The following ZNF385D variants were observed in gnomAD, a reference collection of about 807,000 sequenced individuals.
ZNF385D encodes zinc finger protein 659.
Under a neutral mutation model 35.8 loss-of-function variants are expected in ZNF385D, and 15 were observed. That is an observed-to-expected ratio of 0.42 (90% CI 0.28 to 0.64). The LOEUF is 0.64. ZNF385D is among the 30% of genes least tolerant of loss of function. ZNF385D has a pLI of 0.23. For missense variants in ZNF385D, 474 were observed against 494.6 expected, an observed-to-expected ratio of 0.96 and a Z score of 0.39; for synonymous variants, 212 against 186.8, an observed-to-expected ratio of 1.13 and a Z score of -1.10.
upstream of ZNF385D, among the ~76,000 whole-genome samples, chr3:21,755,051 T>G (rs2070279547): frequency 6.6e-6 from 1 of 152,222 alleles, no homozygotes; most frequent in African/African-American, 2.4e-5. Flanking sequence ...CAGATGGTAC[T>G]GCAGGCCACA....
At chr3:22,180,161 C>G (rs1695136129) in intron 2 of ZNF385D, among the ~76,000 whole-genome samples, 1 of 152,228 alleles carries the variant, frequency 6.6e-6, no homozygotes, top group African/African-American at 2.4e-5. Flanking sequence ...ATAAACACCT[C>G]TATGCAAGTA....
intron 2 of ZNF385D, among the ~76,000 whole-genome samples, chr3:22,193,864 A>G (rs1240456278): frequency 3.3e-5 from 5 of 152,060 alleles, no homozygotes; most frequent in Non-Finnish European, 7.4e-5. Context: ...AATGGCTTTC[A>G]AAATGATTAT....
chr3:21,681,305 A>G (rs1202397243), intron 1 of ZNF385D, among the ~76,000 whole-genome samples: 4 of 146,576 alleles, frequency 2.7e-5, no homozygotes, highest in African/African-American at 1.0e-4. Context: ...CAGTAAAAAA[A>G]AAAAAAAAAA....
intron 3 of ZNF385D, among the ~76,000 whole-genome samples, chr3:22,101,935 A>T (rs1203040949): frequency 1.3e-5 from 2 of 151,530 alleles, no homozygotes; most frequent in East Asian, 3.9e-4. Context: ...GTTAGTGGAC[A>T]AATTGGGCTT....
chr3:22,009,845 G>A (rs1261933700), intron 3 of ZNF385D, among the ~76,000 whole-genome samples: 1 of 146,740 alleles, frequency 6.8e-6, no homozygotes, highest in East Asian at 2.0e-4. Flanking sequence ...TATTTCTTAA[G>A]AGTAGTTATA....
Position 22,162,984 on chromosome 3 carries a change from T to C in ZNF385D, c.325+5833A>G, listed in dbSNP as rs75603807. Among the ~76,000 whole-genome samples the C allele has an allele frequency of 4.4e-3, 669 of 151,908 alleles. 6 individuals are homozygous for C. Among genetic ancestry groups the C allele is most frequent in the African/African-American group, 0.015 (639 of 41,428 alleles). On this transcript the variant is annotated intron_variant, in intron 3 of 5. Coordinates refer to the ZNF385D transcript ENST00000494108. ...AAGAAAAGCAGGACATAGTAGAGAG[T>C]GAGGTTAGCCTGTGATAGAATTGAA...
chr3:22,178,524 C>G (rs1209985929), intron 2 of ZNF385D, among the ~76,000 whole-genome samples: 2 of 152,124 alleles, frequency 1.3e-5, no homozygotes, highest in Admixed American at 6.6e-5. Flanking sequence ...TTCTCCCATT[C>G]TGTAGGTTGC....
intron 4 of ZNF385D, among the ~76,000 whole-genome samples, chr3:21,452,513 A>T (rs1338332515): frequency 6.6e-6 from 1 of 152,034 alleles, no homozygotes; most frequent in African/African-American, 2.4e-5. Context: ...ATGATCTTGT[A>T]CATAGAAAAC....
intron 3 of ZNF385D, among the ~76,000 whole-genome samples, chr3:21,561,465 G>C (rs749250168): frequency 6.6e-6 from 1 of 152,136 alleles, no homozygotes; most frequent in East Asian, 1.9e-4. Flanking sequence ...CTCGCCCTCT[G>C]TGGGCAGCAC....
intron 2 of ZNF385D, among the ~76,000 whole-genome samples, chr3:22,366,414 T>C (rs73041341): frequency 0.061 from 9,334 of 152,206 alleles, 381 homozygotes; most frequent in African/African-American, 0.1. Flanking sequence ...ACAATATTTA[T>C]TGAGTGCATT....
At chr3:22,084,064 C>A (rs1180304699) in intron 3 of ZNF385D, among the ~76,000 whole-genome samples, 2 of 152,142 alleles carry the variant, frequency 1.3e-5, no homozygotes, top group Non-Finnish European at 2.9e-5. Context: ...GCCTGTCTTA[C>A]AAGAGCTCCT....
chr3:21,793,768 A>G (rs2072027203), intron 3 of ZNF385D, among the ~76,000 whole-genome samples: 1 of 152,228 alleles, frequency 6.6e-6, no homozygotes, highest in Non-Finnish European at 1.5e-5. Flanking sequence ...TTAAAGAAGC[A>G]AAACATTCTG....
At chr3:21,443,785 T>A (rs1191139009) in intron 4 of ZNF385D, among the ~76,000 whole-genome samples, 4 of 152,038 alleles carry the variant, frequency 2.6e-5, no homozygotes, top group Non-Finnish European at 4.4e-5. Flanking sequence ...ACCTTTACAT[T>A]ATTTGAACTA....
intron 2 of ZNF385D, among the ~76,000 whole-genome samples, chr3:22,170,052 T>A (rs1310499347): frequency 3.3e-5 from 5 of 152,218 alleles, no homozygotes; most frequent in African/African-American, 1.2e-4. Flanking sequence ...ATTTCTAAGT[T>A]TTCTCTACTT....
At chr3:21,531,950 G>A (rs573292092) in intron 3 of ZNF385D, among the ~76,000 whole-genome samples, 1 of 152,286 alleles carries the variant, frequency 6.6e-6, no homozygotes, top group East Asian at 1.9e-4. Flanking sequence ...CCATTCTAGA[G>A]GGGAATATTG....
At chr3:21,932,124 G>A (rs1323190542) in intron 3 of ZNF385D, among the ~76,000 whole-genome samples, 3 of 122,280 alleles carry the variant, frequency 2.5e-5, no homozygotes, top group Admixed American at 1.1e-4. Context: ...CCGAGATAGC[G>A]CCCCTGCACT....
chr3:22,159,603 G>A (rs1417450574), intron 3 of ZNF385D, among the ~76,000 whole-genome samples: 1 of 152,014 alleles, frequency 6.6e-6, no homozygotes, highest in Non-Finnish European at 1.5e-5. Flanking sequence ...ATAGCCAGTG[G>A]CTGGAACTTT....
chr3:21,639,900 T>C (rs955028631), intron 2 of ZNF385D, among the ~76,000 whole-genome samples: 14 of 151,930 alleles, frequency 9.2e-5, no homozygotes, highest in Non-Finnish European at 1.5e-4. Flanking sequence ...AAAAAGAAAA[T>C]TGAGACCAAA....
At chr3:22,098,282 A>C (rs2125618477) in intron 3 of ZNF385D, among the ~76,000 whole-genome samples, 1 of 152,194 alleles carries the variant, frequency 6.6e-6, no homozygotes, top group Non-Finnish European at 1.5e-5. Flanking sequence ...ATTCAAGTTG[A>C]CTTTATTGCT....
Sources: gnomAD v4.1 joint callset for allele counts (sites outside exome capture counted in the v4.1 genomes callset) on GRCh38, gnomAD v4.1.1 for gene constraint, MANE v1.5 for transcripts, NCBI Gene and HGNC (gene_info 2026-07-23, HGNC 2026-07-21) for gene names.